OSBP: variants seen among roughly 807,000 people sequenced by gnomAD.
OSBP encodes the protein oxysterol-binding protein 1.
A neutral mutation model predicts 96.6 loss-of-function variants in OSBP; 32 were observed. The ratio of observed to expected loss-of-function variants is 0.33; its 90% CI spans 0.25 to 0.45. OSBP has a LOEUF of 0.45. OSBP is among the 20% of genes least tolerant of loss of function. The probability of loss-of-function intolerance (pLI) is 1.00; values close to 1 mark genes in which losing one functional copy is unlikely to be tolerated. For missense variants in OSBP, 653 were observed against 1,029.7 expected, an observed-to-expected ratio of 0.63 and a Z score of 5.01; for synonymous variants, 369 against 389.6, an observed-to-expected ratio of 0.95 and a Z score of 0.62.
At chr11:59,598,842 G>T (rs1017553527) in intron 7 of OSBP, among the ~76,000 whole-genome samples, 1 of 152,138 alleles carries the variant, frequency 6.6e-6, no homozygotes, top group East Asian at 1.9e-4. Context: ...CACGTGCCTT[G>T]GCCTCCCAAA....
At chr11:59,608,852 T>A in intron 2 of OSBP, 118 bp from the exon 3 acceptor site, 1 of 1,014,962 alleles carries the variant, frequency 9.9e-7, no homozygotes, top group Non-Finnish European at 1.5e-6. Flanking sequence ...TCTGACTCAC[T>A]GAAAACTTGC....
chr11:59,606,180 G>A (rs1269828048), intron 3 of OSBP, among the ~76,000 whole-genome samples: 1 of 152,090 alleles, frequency 6.6e-6, no homozygotes, highest in Non-Finnish European at 1.5e-5. Flanking sequence ...CTGAGGACAC[G>A]GACCATATCT....
At chr11:59,605,900 T>C (rs532626233) in intron 3 of OSBP, among the ~76,000 whole-genome samples, 9 of 152,286 alleles carry the variant, frequency 5.9e-5, no homozygotes, top group Admixed American at 3.3e-4. Context: ...ATAGAGGCAG[T>C]TGGACGGGAT....
Position 59,608,507 on chromosome 11 carries a change from T to C in OSBP, c.799A>G (p.Ile267Val), listed in dbSNP as rs545855578. Reference sequence around the variant, plus strand: ...ACGTTGATCATGGCATTGGATGTTATCCTAAAGAGTGTGGCTCGTTCGTTG... The same window carrying C: ...ACGTTGATCATGGCATTGGATGTTACCCTAAAGAGTGTGGCTCGTTCGTTG... ...QVNERATLFR[I>V]TSNAMINACR... The change falls in exon 3 of 14, where the codon ATA becomes GTA. Residue 267 changes from isoleucine to valine, a missense_variant. Transcript: ENST00000263847. The C allele has an allele frequency of 6.2e-7, 1 of 1,614,200 alleles. No individual in the cohort carries two copies. Among genetic ancestry groups the C allele is most frequent in the South Asian group, 1.1e-5 (1 of 91,086 alleles).
intron 2 of OSBP, among the ~76,000 whole-genome samples, chr11:59,609,647 A>G (rs1365137578): frequency 6.6e-6 from 1 of 152,218 alleles, no homozygotes; most frequent in Non-Finnish European, 1.5e-5. Flanking sequence ...ATAAGATAAC[A>G]AAGTCAGCAG....
intron 7 of OSBP, among the ~76,000 whole-genome samples, chr11:59,597,453 C>G (rs1860673221): frequency 6.6e-6 from 1 of 152,164 alleles, no homozygotes; most frequent in Non-Finnish European, 1.5e-5. Context: ...ATACTCCAGA[C>G]AAGTGGGGTT....
At chr11:59,578,092 A>G in intron 12 of OSBP, 57 bp downstream of exon 12, 1 of 1,534,610 alleles carries the variant, frequency 6.5e-7, no homozygotes, top group South Asian at 1.1e-5. Flanking sequence ...TGCCTTCAAT[A>G]TTGCTCCACA....
chr11:59,587,419 CT>C (rs1365832502), intron 9 of OSBP, among the ~76,000 whole-genome samples: 1 of 151,684 alleles, frequency 6.6e-6, no homozygotes, highest in African/African-American at 2.4e-5. Context: ...GGAGAATCAC[CT>C]GAACCCAAGA....
At chr11:59,600,955 A>T (rs967812395) in intron 5 of OSBP, 82 bp from the exon 6 acceptor site, 37 of 1,175,960 alleles carry the variant, frequency 3.1e-5, no homozygotes, top group Admixed American at 6.8e-5. Context: ...ACAAAGCAGA[A>T]TGCCAAGTAC....
At chr11:59,609,154 C>T (rs1300992889) in intron 2 of OSBP, among the ~76,000 whole-genome samples, 1 of 152,140 alleles carries the variant, frequency 6.6e-6, no homozygotes, top group Non-Finnish European at 1.5e-5. Flanking sequence ...CCTATCTAGT[C>T]CAAGCTAACT....
intron 9 of OSBP, among the ~76,000 whole-genome samples, chr11:59,591,007 G>A (rs1322939593): frequency 6.6e-6 from 1 of 152,212 alleles, no homozygotes; most frequent in Middle Eastern, 3.2e-3. Context: ...TGAGAACGAT[G>A]CCCGCCATGT....
chr11:59,588,146 C>G (rs765008069), intron 9 of OSBP, among the ~76,000 whole-genome samples: 2 of 152,200 alleles, frequency 1.3e-5, no homozygotes, highest in Non-Finnish European at 2.9e-5. Context: ...CAGACAAAAA[C>G]TATATGATTC....
chr11:59,579,099 G>C (rs917654115), intron 11 of OSBP, among the ~76,000 whole-genome samples: 89 of 151,998 alleles, frequency 5.9e-4, no homozygotes, highest in African/African-American at 2.1e-3. Flanking sequence ...GATACACGTA[G>C]CAAAAGCATC....
At chr11:59,585,527 C>T (rs1302190134) in intron 9 of OSBP, among the ~76,000 whole-genome samples, 1 of 151,848 alleles carries the variant, frequency 6.6e-6, no homozygotes, top group African/African-American at 2.4e-5. Flanking sequence ...GCAGCCACCC[C>T]GTCCGGGAGG....
chr11:59,615,673 G>C lies in OSBP; in HGVS notation c.-9C>G. 1 of 1,315,426 alleles carries C rather than the reference G, an allele frequency of 7.6e-7. No individual in the cohort carries two copies. The allele number at this position is 1,315,426 out of a possible 1,614,324, so 81.5% of individuals were successfully genotyped here. On this transcript the variant is annotated 5_prime_UTR_variant, in exon 1 of 14. Transcript: ENST00000263847. ...AGCTCCGTCGCCGCCATGAGCCGCC[G>C]CCGCCTGGAGATACAAGACCGGAAC... is the stretch of plus-strand genomic sequence containing the variant.
intron 9 of OSBP, among the ~76,000 whole-genome samples, chr11:59,585,034 T>G (rs1277874070): frequency 2.6e-5 from 4 of 152,122 alleles, no homozygotes; most frequent in East Asian, 1.9e-4. Flanking sequence ...AATGCCGAGA[T>G]TACAGCCTCT....
rs994961182 is a variant in OSBP, at chr11:59,577,025, C to A, written c.2061G>T (p.Pro687=). The A allele has an allele frequency of 3.7e-6, 6 of 1,610,086 alleles. No individual in the cohort carries two copies. Among genetic ancestry groups the A allele is most frequent in the Non-Finnish European group, 5.1e-6 (6 of 1,178,518 alleles). The change falls in exon 13 of 14, where the codon CCG becomes CCT. Residue 687 remains proline, a splice_region_variant and synonymous_variant. Transcript: ENST00000263847. ...RVMLWKRNPL[P]KNAENMYYFS... is the part of the protein sequence containing the mutation. ...AGTAGTACATGTTTTCTGCATTCTT[C>A]CTAAAAGTAGAAGACAAGAAAAAGA...
intron 12 of OSBP, among the ~76,000 whole-genome samples, chr11:59,577,926 A>G (rs1469636538): frequency 6.6e-6 from 1 of 152,258 alleles, no homozygotes; most frequent in African/African-American, 2.4e-5. Flanking sequence ...AGAAAGCACA[A>G]AGTATTTTTT....
intron 1 of OSBP, among the ~76,000 whole-genome samples, chr11:59,612,580 AG>A (rs1860863841): frequency 6.6e-6 from 1 of 152,210 alleles, no homozygotes; most frequent in African/African-American, 2.4e-5. Flanking sequence ...AAAAATACCA[AG>A]GAACTCTGGG....
Sources: gnomAD v4.1 joint callset for allele counts (sites outside exome capture counted in the v4.1 genomes callset) on GRCh38, gnomAD v4.1.1 for gene constraint, MANE v1.5 for transcripts, NCBI Gene and HGNC (gene_info 2026-07-23, HGNC 2026-07-21) for gene names.